The following FMN2 variants were observed in gnomAD, a reference collection of about 807,000 sequenced individuals.
FMN2 encodes formin 2.
FMN2 carries 51 observed loss-of-function variants against 142.3 expected under a neutral mutation model. The observed-to-expected ratio is 0.36, with a 90% CI of 0.29 to 0.45. The LOEUF is 0.45. FMN2 is among the 20% of genes least tolerant of loss of function. The pLI, the probability that FMN2 is intolerant of heterozygous loss-of-function variation, is 1.00. For missense variants in FMN2, 1,936 were observed against 2,122.8 expected (o/e 0.91, Z 1.73); for synonymous variants, 882 against 869.8 (o/e 1.01, Z -0.25).
chr1:240,370,325 T>C (rs1233839017), intron 14 of FMN2, among the ~76,000 whole-genome samples: 2 of 152,234 alleles, frequency 1.3e-5, no homozygotes, highest in Admixed American at 1.3e-4. Flanking sequence ...ATCTTGTTTT[T>C]TTCAATGAAA....
At chr1:240,458,169 G>T (rs905562214) in intron 16 of FMN2, 8 of 152,202 alleles carry the variant, frequency 5.3e-5, no homozygotes, top group African/African-American at 1.9e-4. Context: ...TTTATTTTTG[G>T]TGCTGGGATA....
chr1:240,146,219 TAAAA>T (rs35158592), intron 2 of FMN2, among the ~76,000 whole-genome samples: 2 of 127,086 alleles, frequency 1.6e-5, no homozygotes, highest in East Asian at 2.4e-4. Flanking sequence ...CCGTCTCTAC[TAAAA>T]AAAAAAAAAA....
chr1:240,335,143 G>A (rs1320373581), intron 13 of FMN2, among the ~76,000 whole-genome samples: 1 of 152,176 alleles, frequency 6.6e-6, no homozygotes, highest in Non-Finnish European at 1.5e-5. Context: ...ATTATGTAGT[G>A]TGGTTATAGT....
chr1:240,286,295 A>G (rs1052362591), intron 7 of FMN2, among the ~76,000 whole-genome samples: 7 of 152,184 alleles, frequency 4.6e-5, no homozygotes, highest in African/African-American at 1.4e-4. Flanking sequence ...CTATCCTACA[A>G]TTGTGATTGC....
chr1:240,454,607 T>A (rs1676177338), intron 16 of FMN2, among the ~76,000 whole-genome samples: 1 of 152,182 alleles, frequency 6.6e-6, no homozygotes, highest in South Asian at 2.1e-4. Context: ...TTTATAGTAG[T>A]GTTGTGTTGA....
At chr1:240,156,271 T>G (rs1291930457) in intron 2 of FMN2, among the ~76,000 whole-genome samples, 1 of 152,074 alleles carries the variant, frequency 6.6e-6, no homozygotes, top group Non-Finnish European at 1.5e-5. Flanking sequence ...GCAAGAAGTA[T>G]GTCATTGAAA....
At chr1:240,341,913 C>T (rs1203292730) in intron 13 of FMN2, among the ~76,000 whole-genome samples, 1 of 152,220 alleles carries the variant, frequency 6.6e-6, no homozygotes, top group Non-Finnish European at 1.5e-5. Flanking sequence ...ATGTGGGCTA[C>T]AGCCCTAGGA....
chr1:240,438,325 G>A, intron 16 of FMN2, 115 bp downstream of exon 16: 1 of 1,158,430 alleles, frequency 8.6e-7, no homozygotes, highest in Non-Finnish European at 1.2e-6. Flanking sequence ...CCTCAACCCG[G>A]GGTAGCAAGT....
intron 11 of FMN2, among the ~76,000 whole-genome samples, chr1:240,332,067 T>TA (rs1189627654): frequency 1.3e-5 from 2 of 152,288 alleles, no homozygotes; most frequent in Admixed American, 6.5e-5. Context: ...TTAATACAGA[T>TA]ATTCATGCAA....
At chr1:240,402,723 A>G (rs1338085200) in intron 15 of FMN2, among the ~76,000 whole-genome samples, 1 of 152,250 alleles carries the variant, frequency 6.6e-6, no homozygotes, top group African/African-American at 2.4e-5. Flanking sequence ...TATTTCCTAC[A>G]GAGTCACTTA....
rs1439994754 is a variant in FMN2 at position 240,184,678 on chromosome 1, G to A, written c.1931-3529G>A. Among the ~76,000 whole-genome samples the A allele has an allele frequency of 3.3e-5, 5 of 152,088 alleles. No individual in the cohort carries two copies. In the South Asian group the frequency reaches 8.3e-4, roughly 25 times the overall value. ...GATGAATATTCGATGGAGATGATCAGTCTGTCCTAGAGCTGGGTTTAAGGC... is the reference window on the plus strand; with the variant it reads ...GATGAATATTCGATGGAGATGATCAATCTGTCCTAGAGCTGGGTTTAAGGC... On this transcript the variant is annotated intron_variant, in intron 3 of 17. Coordinates refer to ENST00000319653, the MANE Select transcript of FMN2 (RefSeq NM_020066.5).
intron 15 of FMN2, among the ~76,000 whole-genome samples, chr1:240,399,889 A>G (rs1329872675): frequency 1.3e-5 from 2 of 152,158 alleles, no homozygotes; most frequent in Non-Finnish European, 2.9e-5. Flanking sequence ...GAAGAAGTGG[A>G]CCACTGTCCT....
chr1:240,132,877 G>T (rs1192659878), intron 2 of FMN2, among the ~76,000 whole-genome samples: 1 of 152,066 alleles, frequency 6.6e-6, no homozygotes, highest in Non-Finnish European at 1.5e-5. Context: ...TACCTTCTTG[G>T]GTTTGCCTGT....
intron 16 of FMN2, among the ~76,000 whole-genome samples, chr1:240,450,006 A>G (rs547426810): frequency 9.5e-4 from 145 of 152,194 alleles, no homozygotes; most frequent in African/African-American, 3.4e-3. Context: ...TTAGGTCTTT[A>G]GACTTGTTCA....
intron 5 of FMN2, among the ~76,000 whole-genome samples, chr1:240,209,065 T>C (rs1430168294): frequency 6.6e-6 from 1 of 152,180 alleles, no homozygotes; most frequent in Admixed American, 6.5e-5. Context: ...AGACTGCTAC[T>C]TATTTATGCC....
intron 7 of FMN2, among the ~76,000 whole-genome samples, chr1:240,278,413 G>A (rs1324279629): frequency 6.6e-6 from 1 of 152,134 alleles, no homozygotes; most frequent in Non-Finnish European, 1.5e-5. Flanking sequence ...ATGAAGTCTG[G>A]GGAGTTAACT....
At chr1:240,243,344 CTG>C (rs2102872210) in intron 6 of FMN2, among the ~76,000 whole-genome samples, 2 of 152,254 alleles carry the variant, frequency 1.3e-5, no homozygotes, top group South Asian at 4.1e-4. Flanking sequence ...AGTAAGAAAA[CTG>C]AATCCAAATC....
At chr1:240,461,515 A>G (rs1676451167) in intron 16 of FMN2, among the ~76,000 whole-genome samples, 1 of 152,184 alleles carries the variant, frequency 6.6e-6, no homozygotes. Flanking sequence ...ATCTTTTAAG[A>G]TGCTTCTTCT....
chr1:240,205,271 T>G lies in FMN2; in HGVS notation c.1987-1528T>G, dbSNP rs190466602. Among the ~76,000 whole-genome samples the G allele has an allele frequency of 3.9e-3, 598 of 152,228 alleles. 6 individuals are homozygous for G. Among genetic ancestry groups the G allele is most frequent in the African/African-American group, 0.014 (561 of 41,530 alleles). ...TCTCTTTCCCTTTTATTCCAGCCTT[T>G]AGTGAGCAAATCCACATCTGTATGA... On this transcript the variant is annotated intron_variant, in intron 4 of 17. Coordinates refer to ENST00000319653, the MANE Select transcript of FMN2 (RefSeq NM_020066.5).
Sources: gnomAD v4.1 joint callset for allele counts (sites outside exome capture counted in the v4.1 genomes callset) on GRCh38, gnomAD v4.1.1 for gene constraint, MANE v1.5 for transcripts, NCBI Gene and HGNC (gene_info 2026-07-23, HGNC 2026-07-21) for gene names.